Variants in ENTREP2 observed in about 807,000 individuals in gnomAD.
ENTREP2 encodes the protein protein ENTREP2.
At chr15:29,155,102 G>GA in the ENTREP2 span, among the ~76,000 whole-genome samples, 69 of 148,494 alleles carry the variant, frequency 4.6e-4, no homozygotes, top group African/African-American at 1.7e-3. Context: ...CTAACACGGT[G>GA]AAACCCCGTC....
At chr15:29,168,567 C>T in the ENTREP2 span, among the ~76,000 whole-genome samples, 33 of 152,158 alleles carry the variant, frequency 2.2e-4, no homozygotes, top group African/African-American at 7.7e-4. Flanking sequence ...GTCTTTGTGG[C>T]GGGCTTAAAT....
chr15:29,641,933 T>C, the ENTREP2 span, among the ~76,000 whole-genome samples: 8 of 150,904 alleles, frequency 5.3e-5, no homozygotes, highest in East Asian at 1.6e-3. Context: ...AAGAAGTGCA[T>C]AACTTATGCT....
chr15:29,311,789 G>A, the ENTREP2 span, among the ~76,000 whole-genome samples: 1 of 152,152 alleles, frequency 6.6e-6, no homozygotes, highest in Admixed American at 6.5e-5. Flanking sequence ...CTGGGATTAT[G>A]AGCTAGGCCA....
chr15:29,240,545 C>T, the ENTREP2 span, among the ~76,000 whole-genome samples: 5 of 152,154 alleles, frequency 3.3e-5, no homozygotes, highest in African/African-American at 1.2e-4. Context: ...CTTTGGCCCT[C>T]TCTTGCCCTT....
chr15:29,669,401 T>A, the ENTREP2 span, among the ~76,000 whole-genome samples: 5 of 152,268 alleles, frequency 3.3e-5, no homozygotes, highest in East Asian at 9.7e-4. Context: ...CCTCGCCATG[T>A]GATGCCCGGC....
At chr15:29,375,275 T>G in the ENTREP2 span, 1 of 152,258 alleles carries the variant, frequency 6.6e-6, no homozygotes, top group Non-Finnish European at 1.5e-5. Flanking sequence ...ACCCTAATTT[T>G]GTGACTGGCA....
chr15:29,222,091 G>A, the ENTREP2 span, among the ~76,000 whole-genome samples: 2 of 152,164 alleles, frequency 1.3e-5, no homozygotes, highest in South Asian at 2.1e-4. Context: ...TTCCCAGATG[G>A]TTAGGCATTC....
the ENTREP2 span, among the ~76,000 whole-genome samples, chr15:29,594,486 C>T: frequency 6.6e-6 from 1 of 152,116 alleles, no homozygotes; most frequent in African/African-American, 2.4e-5. Flanking sequence ...TCCAGAGGTG[C>T]AATAGATCTA....
At chr15:29,234,581 A>T in the ENTREP2 span, 1 of 1,482,296 alleles carries the variant, frequency 6.7e-7, no homozygotes, top group Middle Eastern at 2.0e-4. Flanking sequence ...GCTAATTAAA[A>T]TATCATCTTC....
chr15:29,289,442 T>C, the ENTREP2 span, among the ~76,000 whole-genome samples: 11 of 151,984 alleles, frequency 7.2e-5, no homozygotes, highest in Non-Finnish European at 1.3e-4. Context: ...AACAGGAACA[T>C]TGGTGGGGTA....
the ENTREP2 span, among the ~76,000 whole-genome samples, chr15:29,123,947 G>A: frequency 6.6e-6 from 1 of 152,160 alleles, no homozygotes; most frequent in Non-Finnish European, 1.5e-5. Context: ...AGGGCACAGG[G>A]GCTGGTCCTT....
the ENTREP2 span, among the ~76,000 whole-genome samples, chr15:29,490,379 C>T: frequency 6.6e-6 from 1 of 152,158 alleles, no homozygotes; most frequent in Non-Finnish European, 1.5e-5. Context: ...AAGAACAAAA[C>T]CTCCACAACA....
the ENTREP2 span, chr15:29,381,835 G>C: frequency 6.4e-7 from 1 of 1,551,574 alleles, no homozygotes; most frequent in Non-Finnish European, 8.7e-7. Flanking sequence ...GCAGCACCTG[G>C]AAGGACAAAA....
the ENTREP2 span, among the ~76,000 whole-genome samples, chr15:29,434,704 C>T: frequency 1.3e-5 from 2 of 152,162 alleles, no homozygotes; most frequent in East Asian, 1.9e-4. Context: ...TTAAACCTTA[C>T]AGCTCATCCA....
the ENTREP2 span, among the ~76,000 whole-genome samples, chr15:29,320,062 G>A: frequency 4.1e-4 from 62 of 152,290 alleles, no homozygotes; most frequent in Admixed American, 3.7e-3. Flanking sequence ...GGGGGAAGGC[G>A]TTTTCCTGAC....
the ENTREP2 span, among the ~76,000 whole-genome samples, chr15:29,599,846 A>T: frequency 0.3 from 45,774 of 152,190 alleles, 7,044 homozygotes; most frequent in South Asian, 0.39. Context: ...CTCACAATAC[A>T]GTCCCTACAT....
At chr15:29,667,931 A>G in the ENTREP2 span, among the ~76,000 whole-genome samples, 13 of 152,234 alleles carry the variant, frequency 8.5e-5, 1 homozygote, top group South Asian at 1.9e-3. Context: ...ATCTGAAACT[A>G]TGCCCCAGAG....
chr15:29,136,892 G>A, the ENTREP2 span: 11 of 755,360 alleles, frequency 1.5e-5, no homozygotes, highest in African/African-American at 7.4e-5. Flanking sequence ...CACGGGGAAC[G>A]CTGTATGTCT....
At chr15:29,350,005 G>A in the ENTREP2 span, among the ~76,000 whole-genome samples, 1 of 152,060 alleles carries the variant, frequency 6.6e-6, no homozygotes, top group Non-Finnish European at 1.5e-5. Flanking sequence ...CCTGCCTATA[G>A]GCATCTCCAT....
Sources: gnomAD v4.1 joint callset for allele counts (sites outside exome capture counted in the v4.1 genomes callset) on GRCh38, gnomAD v4.1.1 for gene constraint, MANE v1.5 for transcripts, NCBI Gene and HGNC (gene_info 2026-07-23, HGNC 2026-07-21) for gene names.